The following GTF2H1 variants were observed in gnomAD, a reference collection of about 807,000 sequenced individuals.
GTF2H1 encodes the protein BTF2 p62.
A neutral mutation model predicts 71.2 loss-of-function variants in GTF2H1; 16 were observed. That is an observed-to-expected ratio of 0.22 (90% CI 0.15 to 0.34). The LOEUF (loss-of-function observed/expected upper bound fraction) is 0.34. Among genes scored for constraint, GTF2H1 ranks in the 10% least tolerant of loss-of-function variants. GTF2H1 has a pLI of 1.00. For missense variants in GTF2H1, 498 were observed against 648.2 expected (o/e 0.77, Z 2.52); for synonymous variants, 215 against 219.0 (o/e 0.98, Z 0.16).
intron 11 of GTF2H1, among the ~76,000 whole-genome samples, chr11:18,353,397 A>G (rs4150654): frequency 0.017 from 2,611 of 152,286 alleles, 54 homozygotes; most frequent in African/African-American, 0.052. Context: ...ATCTTCAGCG[A>G]TAGTCTCCGC....
chr11:18,339,682 T>A lies in GTF2H1; in HGVS notation c.607+25T>A, dbSNP rs772279128. On this transcript the variant is annotated intron_variant, in intron 5 of 14. Transcript: ENST00000265963. The stretch of plus-strand genomic sequence containing the variant: ...GGTAAGAAGAATCAGTTCTTTCAGA[T>A]GGTTAAAATATATGGATATATTCTA... 9 of 1,300,024 alleles carry A rather than the reference T, an allele frequency of 6.9e-6. No individual in the cohort carries two copies. The African/African-American group carries it at 1.3e-4, about 19-fold the overall frequency. 80.5% of individuals were successfully genotyped at this position (1,300,024 alleles called of 1,614,324 possible).
At chr11:18,323,511 A>G (rs1263129632) in intron 1 of GTF2H1, among the ~76,000 whole-genome samples, 2 of 152,102 alleles carry the variant, frequency 1.3e-5, no homozygotes, top group Non-Finnish European at 2.9e-5. Flanking sequence ...GGGAAAGAAG[A>G]TATGAAAAAT....
chr11:18,342,469 C>T (rs1227883006), intron 7 of GTF2H1, among the ~76,000 whole-genome samples: 2 of 151,986 alleles, frequency 1.3e-5, no homozygotes, highest in Non-Finnish European at 2.9e-5. Flanking sequence ...GCCACGTTGG[C>T]CAGGCTGGTC....
chr11:18,352,239 A>G lies in GTF2H1; in HGVS notation c.1143-90A>G, dbSNP rs1436308883. 4 of 699,110 alleles carry G rather than the reference A, an allele frequency of 5.7e-6. No homozygotes were observed. In the African/African-American group the frequency reaches 7.1e-5, roughly 12 times the overall value. The allele number at this position is 699,110 out of a possible 1,614,324, so 43.3% of individuals were successfully genotyped here. ...CTTATCGTTTCTTGCCTTGAGGGGA[A>G]CTTAGTACTGACTGCTAAAATGTTG... On this transcript the variant is annotated intron_variant, in intron 10 of 14. Transcript: ENST00000265963.
At chr11:18,355,927 C>T (rs1313838322) in intron 11 of GTF2H1, among the ~76,000 whole-genome samples, 1 of 152,168 alleles carries the variant, frequency 6.6e-6, no homozygotes, top group Non-Finnish European at 1.5e-5. Flanking sequence ...CCCTTCCTAC[C>T]CACTTCACAC....
In GTF2H1 at chr11:18,341,537, C is replaced by G. The variant is rs762173067; in HGVS notation, c.767C>G (p.Thr256Arg). Residue 256 changes from threonine (T) to arginine (R), a missense_variant, in exon 7 of 15, where the codon ACA becomes AGA. Around this residue, in one of 3 missense-constraint regions of GTF2H1, gnomAD observed 216 missense variants for 306.2 expected, o/e 0.71. Transcript: ENST00000265963. ...CAKIDEKGLK[T>R]MVSLGVKNPL... is the part of the protein sequence containing the mutation. The stretch of plus-strand genomic sequence containing the variant: ...TTTGTTGATTTTCTAGGCCTAAAAA[C>G]AATGGTTTCATTAGGAGTGAAAAAC... The G allele has an allele frequency of 1.9e-6, 3 of 1,610,286 alleles. No homozygotes were observed. The South Asian group carries it at 3.3e-5, about 18-fold the overall frequency.
chr11:18,355,435 G>A (rs1865522140), intron 11 of GTF2H1, among the ~76,000 whole-genome samples: 1 of 151,616 alleles, frequency 6.6e-6, no homozygotes, highest in Non-Finnish European at 1.5e-5. Flanking sequence ...GAGCCACCAC[G>A]CCCAGCCTTT....
In GTF2H1 at chr11:18,335,686, T is replaced by TA. The variant is rs1209614884; in HGVS notation, c.155-66dup. On this transcript the variant is annotated intron_variant, in intron 2 of 14. Transcript: ENST00000265963. ...GAATCCTGAATCATCTTGGGAGAAG[T>TA]AACTTACTGTATGGTTATTCCCACA... The TA allele has an allele frequency of 2.7e-6, 3 of 1,116,474 alleles. No homozygotes were observed. The African/African-American group carries it at 4.7e-5, about 17-fold the overall frequency. The allele number at this position is 1,116,474 out of a possible 1,614,324, so 69.2% of individuals were successfully genotyped here.
chr11:18,344,997 T>C (rs569302969), intron 7 of GTF2H1, among the ~76,000 whole-genome samples: 74 of 149,742 alleles, frequency 4.9e-4, no homozygotes, highest in African/African-American at 1.7e-3. Flanking sequence ...TTTGAGTCCA[T>C]TGTGAGACCA....
rs201074685 is a variant in GTF2H1 at position 18,364,253 on chromosome 11, G to A, written c.1561-1530G>A. Among the ~76,000 whole-genome samples the A allele has an allele frequency of 7.0e-4, 107 of 152,270 alleles. 2 individuals are homozygous for A. In the East Asian group the frequency reaches 0.02, roughly 29 times the overall value. On this transcript the variant is annotated intron_variant, in intron 14 of 14. Coordinates refer to ENST00000265963, the MANE Select transcript of GTF2H1 (RefSeq NM_005316.4). ...TAATGATAAACAGGTATGGCAGTAA[G>A]GGTAATTTTTTTAACTCTGTACCCC...
intron 1 of GTF2H1, among the ~76,000 whole-genome samples, chr11:18,327,747 C>T (rs901656232): frequency 6.6e-6 from 1 of 152,184 alleles, no homozygotes; most frequent in Non-Finnish European, 1.5e-5. Context: ...TACCACCAGG[C>T]CCAGCTAATT....
chr11:18,359,937 C>G (rs1179203133), intron 13 of GTF2H1, among the ~76,000 whole-genome samples: 2 of 151,698 alleles, frequency 1.3e-5, no homozygotes, highest in Non-Finnish European at 2.9e-5. Context: ...ACTTGGGCAA[C>G]ATGGCAGAAC....
chr11:18,344,577 C>T (rs972961502), intron 7 of GTF2H1, among the ~76,000 whole-genome samples: 2 of 149,078 alleles, frequency 1.3e-5, no homozygotes, highest in East Asian at 4.0e-4. Context: ...TAAGATTGCA[C>T]CACTGCACTC....
chr11:18,336,951 A>G (rs975349299), intron 3 of GTF2H1, among the ~76,000 whole-genome samples: 2 of 152,062 alleles, frequency 1.3e-5, no homozygotes, highest in African/African-American at 4.8e-5. Context: ...GGGTTTCACC[A>G]CGTTGGCCAG....
chr11:18,349,422 C>T (rs4150644), intron 9 of GTF2H1, among the ~76,000 whole-genome samples: 69,999 of 152,012 alleles, frequency 0.46, 18,528 homozygotes, highest in East Asian at 0.84. Flanking sequence ...GTGGCTCACA[C>T]CTGTAGTCCC....
chr11:18,365,742 T>G, intron 14 of GTF2H1, 41 bp from the exon 15 acceptor site: 1 of 1,386,520 alleles, frequency 7.2e-7, no homozygotes, highest in South Asian at 1.2e-5. Flanking sequence ...TAACTTCCCC[T>G]GCTTTTGCCC....
chr11:18,349,986 G>A (rs962711355), intron 9 of GTF2H1, among the ~76,000 whole-genome samples: 1 of 152,182 alleles, frequency 6.6e-6, no homozygotes, highest in South Asian at 2.1e-4. Context: ...CAATGTATGG[G>A]TACTCAAAAT....
At chr11:18,356,326 C>T (rs533314737) in intron 11 of GTF2H1, among the ~76,000 whole-genome samples, 5 of 147,418 alleles carry the variant, frequency 3.4e-5, no homozygotes, top group Admixed American at 6.9e-5. Context: ...TGCAGTGAGC[C>T]GAGATCGCAC....
At chr11:18,339,498 CCACTG>C in intron 4 of GTF2H1, 61 bp from the exon 5 acceptor site, 1 of 1,071,286 alleles carries the variant, frequency 9.3e-7, no homozygotes, top group Non-Finnish European at 1.4e-6. Context: ...TGTCCAGTGT[CCACTG>C]GGACCTGAGC....
Sources: allele counts gnomAD v4.1 joint callset (sites outside exome capture counted in the v4.1 genomes callset), GRCh38; gene constraint gnomAD v4.1.1; regional missense constraint gnomAD v4.1.1; transcripts MANE v1.5; gene names NCBI Gene and HGNC (gene_info 2026-07-23, HGNC 2026-07-21).